ELP4: variants seen among roughly 807,000 people sequenced by gnomAD.
ELP4 encodes elongator complex protein 4.
A neutral mutation model predicts 48.9 loss-of-function variants in ELP4; 51 were observed. The observed-to-expected ratio is 1.04, with a 90% CI of 0.83 to 1.32. The LOEUF (loss-of-function observed/expected upper bound fraction) is 1.32. ELP4 is among the 40% of genes most tolerant of loss of function. The pLI, the probability that ELP4 is intolerant of heterozygous loss-of-function variation, is 0.00. For missense variants in ELP4, 519 were observed against 514.6 expected (o/e 1.01, Z -0.08); for synonymous variants, 210 against 189.2 (o/e 1.11, Z -0.90).
chr11:31,749,166 G>C (rs534180044), intron 9 of ELP4, among the ~76,000 whole-genome samples: 1 of 152,148 alleles, frequency 6.6e-6, no homozygotes, highest in Non-Finnish European at 1.5e-5. Context: ...AAACACTTTA[G>C]GTTCTGTGTG....
At chr11:31,688,826 T>C (rs1047739833) in intron 9 of ELP4, among the ~76,000 whole-genome samples, 1 of 152,190 alleles carries the variant, frequency 6.6e-6, no homozygotes, top group African/African-American at 2.4e-5. Flanking sequence ...ATTAGATTAA[T>C]TTGAGCCTAC....
At chr11:31,568,979 G>A (rs1319989390) in intron 3 of ELP4, among the ~76,000 whole-genome samples, 1 of 152,000 alleles carries the variant, frequency 6.6e-6, no homozygotes, top group East Asian at 1.9e-4. Context: ...CAGCTACCCT[G>A]GAAGCTGAGG....
chr11:31,521,753 T>C (rs751579103), intron 2 of ELP4, among the ~76,000 whole-genome samples: 28 of 152,162 alleles, frequency 1.8e-4, no homozygotes, highest in Admixed American at 8.5e-4. Context: ...TAAATCAATA[T>C]ACAGGGAGTG....
Position 31,784,369 on chromosome 11 carries a change from T to C in ELP4, c.*845T>C, listed in dbSNP as rs1948445933. ...TAAATATTTTGTTAATAATGAACAT[T>C]GGTTGAGTGTGTAAATTTCTAACCA... On this transcript the variant is annotated 3_prime_UTR_variant, in exon 10 of 10. Transcript: ENST00000640961. 4 of 152,158 alleles carry C rather than the reference T, an allele frequency of 2.6e-5. No individual in the cohort carries two copies. The highest frequency in any genetic ancestry group is 2.6e-4 in the Admixed American group (4 of 15,280). The allele number at this position is 152,158 out of a possible 1,614,324, so 9.4% of individuals were successfully genotyped here. A position where few individuals can be genotyped will look rare whatever the true frequency, so the allele number is the denominator to read the frequency against.
chr11:31,556,702 G>A (rs1012237291), intron 3 of ELP4, among the ~76,000 whole-genome samples: 3 of 151,808 alleles, frequency 2.0e-5, no homozygotes, highest in African/African-American at 7.2e-5. Context: ...ATCTAAGATC[G>A]AGAGCAAAAC....
intron 3 of ELP4, among the ~76,000 whole-genome samples, chr11:31,585,413 GA>G (rs2133977640): frequency 6.7e-6 from 1 of 149,494 alleles, no homozygotes; most frequent in African/African-American, 2.5e-5. Flanking sequence ...TCTCACAAGA[GA>G]ATAAAGAGCC....
chr11:31,556,857 A>G (rs916226688), intron 3 of ELP4, among the ~76,000 whole-genome samples: 10 of 151,930 alleles, frequency 6.6e-5, no homozygotes, highest in Non-Finnish European at 1.0e-4. Flanking sequence ...GGATAGGTAC[A>G]TGATTATCAG....
chr11:31,602,825 G>C (rs1957806158), intron 4 of ELP4, among the ~76,000 whole-genome samples: 1 of 151,880 alleles, frequency 6.6e-6, no homozygotes, highest in African/African-American at 2.4e-5. Context: ...TATGTTTCAA[G>C]ACAGTGGAAA....
chr11:31,535,973 T>G (rs1284468945), intron 2 of ELP4, among the ~76,000 whole-genome samples: 1 of 152,158 alleles, frequency 6.6e-6, no homozygotes, highest in Non-Finnish European at 1.5e-5. Context: ...GAGGGCAAAA[T>G]GTAAGGTACT....
intron 9 of ELP4, among the ~76,000 whole-genome samples, chr11:31,689,981 G>C (rs1946242659): frequency 1.3e-5 from 2 of 151,986 alleles, no homozygotes; most frequent in African/African-American, 4.8e-5. Context: ...AAATGTTGGT[G>C]GTCTGTGAAA....
intron 9 of ELP4, among the ~76,000 whole-genome samples, chr11:31,702,864 G>A (rs1207157936): frequency 6.6e-6 from 1 of 152,024 alleles, no homozygotes; most frequent in East Asian, 1.9e-4. Context: ...TATATCAAAA[G>A]GTTGTTAGAT....
At chr11:31,698,744 C>G (rs1457271462) in intron 9 of ELP4, among the ~76,000 whole-genome samples, 1 of 152,068 alleles carries the variant, frequency 6.6e-6, no homozygotes, top group Non-Finnish European at 1.5e-5. Flanking sequence ...TCCTATATTT[C>G]TACCTGATTC....
intron 1 of ELP4, among the ~76,000 whole-genome samples, chr11:31,515,052 T>TAG (rs1355682207): frequency 6.7e-6 from 1 of 149,680 alleles, no homozygotes; most frequent in Admixed American, 6.7e-5. Flanking sequence ...TATATATATA[T>TAG]ATATGTATAG....
Position 31,589,904 on chromosome 11 carries a change from A to C in ELP4, c.382-4866A>C, listed in dbSNP as rs909820235. 1.3e-5 allele frequency among the ~76,000 whole-genome samples: 2 copies of C among 152,214 alleles called. 1 individual carries two copies. ...ATACATTATTATCATGTGACCTATT[A>C]TTTATTTGTTTGTTTATTGTTTTAC... On this transcript the variant is annotated intron_variant, in intron 3 of 9. Transcript: ENST00000640961.
At chr11:31,612,057 A>G (rs1174026690) in intron 5 of ELP4, among the ~76,000 whole-genome samples, 9 of 152,272 alleles carry the variant, frequency 5.9e-5, no homozygotes, top group Non-Finnish European at 1.0e-4. Flanking sequence ...TAAACGGCCA[A>G]TGTGGCTGAA....
At position 31,721,671 on chromosome 11, in the gene ELP4, C is replaced by T. The variant is rs562856586; in HGVS notation, c.1144-61722C>T. 2.0e-5 allele frequency among the ~76,000 whole-genome samples: 3 copies of T among 151,948 alleles called. No individual in the cohort carries two copies. In the South Asian group the frequency reaches 6.2e-4, roughly 32 times the overall value. ...GGTAGCAGATTCAAATTTGGCAGGA[C>T]CCTGGGGACATTAATCAATTGGAAA... On this transcript the variant is annotated intron_variant, in intron 9 of 9. Transcript: ENST00000640961.
chr11:31,550,025 A>G (rs1956815414), intron 3 of ELP4, among the ~76,000 whole-genome samples: 1 of 152,108 alleles, frequency 6.6e-6, no homozygotes, highest in Admixed American at 6.5e-5. Flanking sequence ...TGGGAGATAT[A>G]CCTAATGCTA....
At chr11:31,623,380 T>TAAAA (rs1565084225) in intron 5 of ELP4, among the ~76,000 whole-genome samples, 63 of 128,388 alleles carry the variant, frequency 4.9e-4, no homozygotes, top group African/African-American at 1.8e-3. Flanking sequence ...TATATATATA[T>TAAAA]ATATATATAT....
chr11:31,548,752 T>G (rs1276768227), intron 3 of ELP4, among the ~76,000 whole-genome samples: 1 of 152,156 alleles, frequency 6.6e-6, no homozygotes, highest in East Asian at 1.9e-4. Flanking sequence ...AAGGCTACAG[T>G]AACCAAAACA....
Sources: gnomAD v4.1 joint callset for allele counts (sites outside exome capture counted in the v4.1 genomes callset) on GRCh38, gnomAD v4.1.1 for gene constraint, MANE v1.5 for transcripts, NCBI Gene and HGNC (gene_info 2026-07-23, HGNC 2026-07-21) for gene names.